The following ROBO1 variants were observed in gnomAD, a reference collection of about 807,000 sequenced individuals.
ROBO1 encodes roundabout homolog 1.
Under a neutral mutation model 195.9 loss-of-function variants are expected in ROBO1, and 149 were observed. The observed-to-expected ratio is 0.76, with a 90% CI of 0.67 to 0.87. The LOEUF (loss-of-function observed/expected upper bound fraction) is 0.87, where lower values mean the gene tolerates loss of function less well. Ranked by LOEUF, ROBO1 falls within the 40% of genes least tolerant of loss-of-function variation. ROBO1 has a pLI of 0.00. For missense variants in ROBO1, 1,933 were observed against 2,068.3 expected (o/e 0.93, Z 1.27); for synonymous variants, 816 against 733.2 (o/e 1.11, Z -1.82).
chr3:79,148,523 A>G (rs905900981), intron 2 of ROBO1, among the ~76,000 whole-genome samples: 2 of 151,812 alleles, frequency 1.3e-5, no homozygotes, highest in African/African-American at 4.8e-5. Flanking sequence ...ATGACATGGG[A>G]AGAACAAAGC....
At chr3:79,301,691 ATATAG>A (rs1559802554) in intron 2 of ROBO1, among the ~76,000 whole-genome samples, 1 of 152,234 alleles carries the variant, frequency 6.6e-6, no homozygotes, top group Non-Finnish European at 1.5e-5. Flanking sequence ...GGAAGGAAAT[ATATAG>A]TAAATACTCA....
chr3:79,123,858 ATTAATGCTATAT>A, intron 3 of ROBO1, among the ~76,000 whole-genome samples: 1 of 152,214 alleles, frequency 6.6e-6, no homozygotes, highest in Admixed American at 6.5e-5. Context: ...AATGAAAAAC[ATTAATGCTATAT>A]TTAATCTGAA....
intron 2 of ROBO1, among the ~76,000 whole-genome samples, chr3:79,489,620 A>C (rs993314099): frequency 6.7e-6 from 1 of 148,634 alleles, no homozygotes; most frequent in African/African-American, 2.5e-5. Context: ...ACGCCACTGC[A>C]CTCCAGCCTG....
intron 4 of ROBO1, among the ~76,000 whole-genome samples, chr3:78,767,813 CT>C (rs1037891071): frequency 6.6e-6 from 1 of 151,706 alleles, no homozygotes; most frequent in Non-Finnish European, 1.5e-5. Context: ...GATTTTCTTT[CT>C]TTTTTTTCTT....
chr3:79,240,067 C>T (rs554527533), intron 2 of ROBO1, among the ~76,000 whole-genome samples: 1 of 151,922 alleles, frequency 6.6e-6, no homozygotes, highest in South Asian at 2.1e-4. Context: ...ATATTTAAAG[C>T]CTTTTAGCAA....
At chr3:79,145,484 T>G in intron 2 of ROBO1, among the ~76,000 whole-genome samples, 1 of 151,934 alleles carries the variant, frequency 6.6e-6, no homozygotes, top group East Asian at 1.9e-4. Context: ...AACATAGAAT[T>G]ACTTACCATA....
At chr3:78,807,688 CT>C (rs1476592927) in intron 4 of ROBO1, among the ~76,000 whole-genome samples, 5 of 152,180 alleles carry the variant, frequency 3.3e-5, no homozygotes, top group Non-Finnish European at 5.9e-5. Context: ...AAAACAAAAG[CT>C]TATGAGAACA....
intron 1 of ROBO1, among the ~76,000 whole-genome samples, chr3:79,705,558 A>G (rs1222969988): frequency 6.6e-6 from 1 of 152,046 alleles, no homozygotes; most frequent in East Asian, 1.9e-4. Flanking sequence ...CCTTTCACCA[A>G]TACTGCATTG....
chr3:78,820,403 C>A (rs2030765216), intron 4 of ROBO1, among the ~76,000 whole-genome samples: 1 of 152,076 alleles, frequency 6.6e-6, no homozygotes, highest in Non-Finnish European at 1.5e-5. Context: ...GTAACTTACC[C>A]AAAGACAGCT....
chr3:78,708,417 C>T (rs1327819571), intron 8 of ROBO1, among the ~76,000 whole-genome samples: 1 of 151,536 alleles, frequency 6.6e-6, no homozygotes, highest in African/African-American at 2.4e-5. Context: ...TATTTTGAAG[C>T]TGTATTCACC....
chr3:79,570,610 TAGA>T (rs1943247592), intron 2 of ROBO1, among the ~76,000 whole-genome samples: 1 of 152,128 alleles, frequency 6.6e-6, no homozygotes, highest in African/African-American at 2.4e-5. Context: ...AATGTCATAG[TAGA>T]AAGACAAAAA....
At chr3:79,717,591 G>A (rs1042878426) in intron 1 of ROBO1, among the ~76,000 whole-genome samples, 3 of 151,890 alleles carry the variant, frequency 2.0e-5, no homozygotes, top group African/African-American at 7.2e-5. Flanking sequence ...TTCCCCAAAT[G>A]TTTCACACAT....
At chr3:79,128,978 C>T (rs1390034252) in intron 2 of ROBO1, among the ~76,000 whole-genome samples, 1 of 152,184 alleles carries the variant, frequency 6.6e-6, no homozygotes, top group Non-Finnish European at 1.5e-5. Flanking sequence ...TTTCAAAATG[C>T]TGTCTGTAGA....
At chr3:78,822,247 T>C (rs376808077) in intron 4 of ROBO1, among the ~76,000 whole-genome samples, 4 of 152,236 alleles carry the variant, frequency 2.6e-5, no homozygotes, top group South Asian at 4.1e-4. Context: ...TCTTGGAATG[T>C]AGAGAAGCGG....
At chr3:79,112,453 T>C (rs893861635) in intron 3 of ROBO1, among the ~76,000 whole-genome samples, 9 of 152,160 alleles carry the variant, frequency 5.9e-5, no homozygotes, top group African/African-American at 2.2e-4. Flanking sequence ...CAATCCAAAA[T>C]GGTCGTAGCT....
intron 2 of ROBO1, among the ~76,000 whole-genome samples, chr3:79,403,374 G>T (rs1303663476): frequency 6.6e-6 from 1 of 151,882 alleles, no homozygotes; most frequent in African/African-American, 2.4e-5. Context: ...ACTTGGGCAG[G>T]GATTTTGGAC....
intron 1 of ROBO1, among the ~76,000 whole-genome samples, chr3:79,611,851 G>A (rs150129789): frequency 3.0e-3 from 452 of 151,698 alleles, no homozygotes; most frequent in African/African-American, 0.01. Context: ...AAAAACCTGC[G>A]CATTCTGCAT....
chr3:78,756,210 A>T (rs143302072), intron 4 of ROBO1, among the ~76,000 whole-genome samples: 2 of 152,298 alleles, frequency 1.3e-5, no homozygotes, highest in Non-Finnish European at 2.9e-5. Flanking sequence ...AAAACAAAAC[A>T]AAACAAAACA....
At chr3:78,977,433 T>C (rs1378639905) in intron 3 of ROBO1, among the ~76,000 whole-genome samples, 2 of 152,090 alleles carry the variant, frequency 1.3e-5, no homozygotes, top group South Asian at 2.1e-4. Context: ...TTTTAAATCA[T>C]TTTCCTTTGT....
Sources: allele counts gnomAD v4.1 joint callset (sites outside exome capture counted in the v4.1 genomes callset), GRCh38; gene constraint gnomAD v4.1.1; transcripts MANE v1.5; gene names NCBI Gene and HGNC (gene_info 2026-07-23, HGNC 2026-07-21).